The following FARS2 variants were observed in gnomAD, a reference collection of about 807,000 sequenced individuals.
FARS2 encodes the protein phenylalanyl-tRNA synthetase 2, mitochondrial.
In FARS2, 40 loss-of-function variants were observed where a neutral mutation model predicts 46.4. That is an observed-to-expected ratio of 0.86 (90% confidence interval 0.67 to 1.12). FARS2 has a LOEUF of 1.12. FARS2 is among the 50% of genes most tolerant of loss of function. FARS2 has a pLI of 0.00. For missense variants in FARS2, 513 were observed against 567.9 expected (o/e 0.90, Z 0.98); for synonymous variants, 234 against 214.9 (o/e 1.09, Z -0.78).
At chr6:5,544,136 C>T (rs1770805358) in intron 4 of FARS2, among the ~76,000 whole-genome samples, 1 of 152,180 alleles carries the variant, frequency 6.6e-6, no homozygotes, top group Admixed American at 6.5e-5. Context: ...CCCATTTTCT[C>T]CCTGGCTGCT....
At chr6:5,549,204 T>C (rs1478118739) in intron 5 of FARS2, among the ~76,000 whole-genome samples, 2 of 152,088 alleles carry the variant, frequency 1.3e-5, no homozygotes, top group African/African-American at 4.8e-5. Flanking sequence ...AATTATACTT[T>C]AAGTTCTAGG....
chr6:5,298,097 T>C (rs1768021825), intron 1 of FARS2, among the ~76,000 whole-genome samples: 2 of 152,230 alleles, frequency 1.3e-5, no homozygotes, highest in Admixed American at 6.5e-5. Context: ...ACTTACACAT[T>C]TCTCTGTATT....
intron 1 of FARS2, among the ~76,000 whole-genome samples, chr6:5,266,483 T>C (rs1475477445): frequency 6.6e-6 from 1 of 151,558 alleles, no homozygotes; most frequent in African/African-American, 2.4e-5. Flanking sequence ...CTGGGTAACA[T>C]AGCGAGACCC....
chr6:5,402,205 T>A (rs1475628607), intron 2 of FARS2, among the ~76,000 whole-genome samples: 1 of 151,982 alleles, frequency 6.6e-6, no homozygotes, highest in Non-Finnish European at 1.5e-5. Context: ...AGATTTTGTT[T>A]CTGAGATGAT....
chr6:5,499,460 A>C (rs1011016645), intron 4 of FARS2, among the ~76,000 whole-genome samples: 2 of 152,248 alleles, frequency 1.3e-5, no homozygotes, highest in African/African-American at 4.8e-5. Context: ...GAATAAGGTC[A>C]GAAGGTTTGA....
chr6:5,260,621 C>A (rs767583917), upstream of FARS2: 21 of 1,516,924 alleles, frequency 1.4e-5, no homozygotes, highest in Admixed American at 2.1e-5. Context: ...GCCCCCCGCC[C>A]CCGGCCCCCG....
intron 3 of FARS2, among the ~76,000 whole-genome samples, chr6:5,423,752 C>T (rs1193245610): frequency 2.6e-5 from 4 of 152,092 alleles, no homozygotes; most frequent in Admixed American, 2.0e-4. Flanking sequence ...CTCTGCAGCG[C>T]TGGACTCCAG....
chr6:5,757,855 G>C (rs548992815), intron 6 of FARS2, among the ~76,000 whole-genome samples: 4 of 152,158 alleles, frequency 2.6e-5, no homozygotes, highest in Non-Finnish European at 5.9e-5. Context: ...TTGTTGCTAC[G>C]GTTACTATTA....
upstream of FARS2, chr6:5,261,056 G>C (rs954665546): frequency 2.6e-6 from 2 of 759,760 alleles, no homozygotes; most frequent in African/African-American, 3.7e-5. Flanking sequence ...GCGGCGGGAG[G>C]GCGGGGAAAT....
At chr6:5,398,584 G>A (rs577937961) in intron 2 of FARS2, among the ~76,000 whole-genome samples, 51 of 152,214 alleles carry the variant, frequency 3.4e-4, no homozygotes, top group African/African-American at 1.2e-3. Flanking sequence ...TTTTATTAAA[G>A]AATGGTATTT....
chr6:5,297,662 T>A (rs199620363), intron 1 of FARS2, among the ~76,000 whole-genome samples: 1 of 151,174 alleles, frequency 6.6e-6, no homozygotes, highest in Non-Finnish European at 1.5e-5. Context: ...AGCAAAAAAA[T>A]AAAAAAAAAC....
At chr6:5,413,795 T>C (rs1762071973) in intron 3 of FARS2, among the ~76,000 whole-genome samples, 1 of 152,204 alleles carries the variant, frequency 6.6e-6, no homozygotes, top group East Asian at 1.9e-4. Flanking sequence ...CTCTTCTTTC[T>C]TATTTTGGTC....
At chr6:5,368,377 T>C (rs1408415097) in intron 1 of FARS2, among the ~76,000 whole-genome samples, 173 bp from the exon 2 acceptor site, 1 of 152,198 alleles carries the variant, frequency 6.6e-6, no homozygotes, top group East Asian at 1.9e-4. Context: ...ATTTAGTGTA[T>C]TAAGTATCAC....
chr6:5,622,425 T>C (rs1251582326), intron 6 of FARS2, among the ~76,000 whole-genome samples: 1 of 152,252 alleles, frequency 6.6e-6, no homozygotes, highest in African/African-American at 2.4e-5. Context: ...GTAAGTGCTA[T>C]GGTTTGAATG....
chr6:5,635,934 T>C (rs1380884406), intron 6 of FARS2, among the ~76,000 whole-genome samples: 1 of 152,190 alleles, frequency 6.6e-6, no homozygotes, highest in African/African-American at 2.4e-5. Flanking sequence ...TATGACACTT[T>C]TGTATTATCT....
intron 6 of FARS2, among the ~76,000 whole-genome samples, chr6:5,694,476 G>A (rs559882420): frequency 2.8e-4 from 43 of 152,280 alleles, no homozygotes; most frequent in African/African-American, 1.0e-3. Context: ...GTTTGACTCT[G>A]TTCTCTGTTA....
chr6:5,263,244 C>T (rs760190009), intron 1 of FARS2, among the ~76,000 whole-genome samples: 20 of 152,136 alleles, frequency 1.3e-4, no homozygotes, highest in Non-Finnish European at 2.9e-4. Flanking sequence ...ATCTAAATTA[C>T]TCAACTTTGT....
chr6:5,745,958 T>A (rs1761611898), intron 6 of FARS2, among the ~76,000 whole-genome samples: 1 of 152,284 alleles, frequency 6.6e-6, no homozygotes, highest in South Asian at 2.1e-4. Flanking sequence ...CCCAAAAGGC[T>A]GTGAGGAGGC....
chr6:5,343,929 CATGGCA>C lies in FARS2; in HGVS notation c.-21-24615_-21-24610del, dbSNP rs2127595738. On this transcript the variant is annotated intron_variant, in intron 1 of 6. Coordinates refer to ENST00000274680, the MANE Select transcript of FARS2 (RefSeq NM_006567.5). This position sits in a 1 kb window ranked among gnomAD's most constrained non-coding sequence, Gnocchi z 4.5. Reference sequence around the variant, plus strand: ...ACCACAGCCATAAGTGGTCCTTGTGCATGGCAATGGCTAAGAATGGGCACTGCCTGC... The same window carrying C: ...ACCACAGCCATAAGTGGTCCTTGTGCATGGCTAAGAATGGGCACTGCCTGC... Among the ~76,000 whole-genome samples the C allele has an allele frequency of 6.6e-6, 1 of 152,336 alleles. No homozygotes were observed. The highest frequency in any genetic ancestry group is 2.1e-4 in the South Asian group (1 of 4,830).
Sources: allele counts gnomAD v4.1 joint callset (sites outside exome capture counted in the v4.1 genomes callset), GRCh38; gene constraint gnomAD v4.1.1; non-coding constraint Gnocchi (gnomAD v3.1); transcripts MANE v1.5; gene names NCBI Gene and HGNC (gene_info 2026-07-23, HGNC 2026-07-21).